Variants in PRKCSH observed in about 807,000 individuals in gnomAD.
PRKCSH encodes glucosidase 2 subunit beta.
A neutral mutation model predicts 79.7 loss-of-function variants in PRKCSH; 42 were observed. The ratio of observed to expected loss-of-function variants is 0.53; its 90% CI spans 0.41 to 0.68. PRKCSH has a LOEUF of 0.68. PRKCSH is among the 30% of genes least tolerant of loss of function. PRKCSH has a pLI of 0.00. For synonymous variants in PRKCSH, 325 were observed against 288.2 expected (o/e 1.13, Z -1.29); for missense variants, 686 against 709.0 (o/e 0.97, Z 0.37).
Position 11,447,065 on chromosome 19 carries a change from C to G in PRKCSH, c.763-9C>G, listed in dbSNP as rs1970341103. On this transcript the variant is annotated splice_polypyrimidine_tract_variant and intron_variant, in intron 9 of 17. Transcript: ENST00000677123. The surrounding 1 kb of genome is among the most constrained non-coding windows in gnomAD (Gnocchi z 5.6). ...GCCTAGATCTTGACACCACCCCCAA[C>G]ACACACAGGCCCTCCTCAGTGGGGA... 6.2e-7 allele frequency: 1 copy of G among 1,613,660 alleles called. No individual in the cohort carries two copies. The highest frequency in any genetic ancestry group is 8.5e-7 in the Non-Finnish European group (1 of 1,179,562).
chr19:11,446,518 G>A (rs1970308570), intron 9 of PRKCSH, among the ~76,000 whole-genome samples, 168 bp downstream of exon 9: 1 of 152,030 alleles, frequency 6.6e-6, no homozygotes, highest in Non-Finnish European at 1.5e-5. Context: ...GCAGGACCCG[G>A]GATGGAGCCA....
rs747275020 is a variant in PRKCSH, at chr19:11,448,880, C to T, written c.1287-34C>T. ...CTGTGGGAGGAGGCTGGAATCCCTG[C>T]GTTCCCCAACCCATATGTCCCGGTC... is the stretch of plus-strand genomic sequence containing the variant. On this transcript the variant is annotated intron_variant, in intron 14 of 17. Coordinates refer to ENST00000677123, the MANE Select transcript of PRKCSH (RefSeq NM_001289104.2). The surrounding 1 kb of genome is among the most constrained non-coding windows in gnomAD (Gnocchi z 4.4). 16 of 1,612,260 alleles carry T rather than the reference C, an allele frequency of 9.9e-6. No homozygotes were observed. Among genetic ancestry groups the T allele is most frequent in the South Asian group, 5.5e-5 (5 of 91,040 alleles).
chr19:11,440,154 CT>C (rs879570404), intron 5 of PRKCSH, among the ~76,000 whole-genome samples: 39 of 146,484 alleles, frequency 2.7e-4, no homozygotes, highest in Admixed American at 4.1e-4. Flanking sequence ...CAACACACTT[CT>C]TTTTTTTTTT....
intron 1 of PRKCSH, 93 bp downstream of exon 1, chr19:11,435,799 A>G (rs1036425582): frequency 2.1e-6 from 3 of 1,417,250 alleles, no homozygotes; most frequent in Non-Finnish European, 2.8e-6. Flanking sequence ...GGAGGCTGTT[A>G]ATCCCTTTGG....
chr19:11,438,915 T>C (rs1183330189), intron 5 of PRKCSH, among the ~76,000 whole-genome samples: 1 of 151,910 alleles, frequency 6.6e-6, no homozygotes, highest in Non-Finnish European at 1.5e-5. Flanking sequence ...TTTTATTTAT[T>C]TATATTTTTT....
At chr19:11,438,229 C>T in intron 5 of PRKCSH, 105 bp downstream of exon 5, 1 of 1,278,450 alleles carries the variant, frequency 7.8e-7, no homozygotes, top group Admixed American at 1.9e-5. Flanking sequence ...GTATCGGGTT[C>T]TCTGTCTGTG....
chr19:11,447,939 G>A lies in PRKCSH; in HGVS notation c.1126+150G>A. The A allele has an allele frequency of 1.0e-6, 1 of 1,000,710 alleles. No homozygotes were observed. The highest frequency in any genetic ancestry group is 1.4e-6 in the Non-Finnish European group (1 of 695,986). 62.0% of individuals were successfully genotyped at this position (1,000,710 alleles called of 1,614,324 possible). ...TTGGGGAGTCCAGGAAGGGGGCCTAGGGTAAGCCAGTCCCACCCTCGCCAG... is the reference window on the plus strand; with the variant it reads ...TTGGGGAGTCCAGGAAGGGGGCCTAAGGTAAGCCAGTCCCACCCTCGCCAG... On this transcript the variant is annotated intron_variant, in intron 12 of 17. Transcript: ENST00000677123. The surrounding 1 kb of genome is among the most constrained non-coding windows in gnomAD (Gnocchi z 5.6).
intron 8 of PRKCSH, 195 bp downstream of exon 8, chr19:11,445,668 G>A (rs1422417643): frequency 1.5e-6 from 1 of 651,600 alleles, no homozygotes. Context: ...CGAGGAGATA[G>A]GGGGACCACC....
Position 11,436,431 on chromosome 19 carries a change from A to G in PRKCSH, c.122A>G (p.Asp41Gly). 1.9e-6 allele frequency: 3 copies of G among 1,614,140 alleles called. No homozygotes were observed. The highest frequency in any genetic ancestry group is 2.5e-6 in the Non-Finnish European group (3 of 1,180,028). ...GAGTCCAAGCCTTTCACCTGCCTGGACGGTTCGGCCACCATCCCATTTGAT... is the reference window on the plus strand; with the variant it reads ...GAGTCCAAGCCTTTCACCTGCCTGGGCGGTTCGGCCACCATCCCATTTGAT... ...YDESKPFTCL[D>G]GSATIPFDQV... The change falls in exon 3 of 18, where the codon GAC becomes GGC. Residue 41 changes from aspartate (D) to glycine (G), a missense_variant. Around this residue, in one of 2 missense-constraint regions of PRKCSH, gnomAD observed 549 missense variants for 520.2 expected, o/e 1.06. Transcript: ENST00000677123.
chr19:11,445,308 G>A, intron 7 of PRKCSH, 81 bp from the exon 8 acceptor site: 3 of 1,391,310 alleles, frequency 2.2e-6, no homozygotes, highest in Non-Finnish European at 3.0e-6. Flanking sequence ...TAGGCGCTTG[G>A]TGGCAAACGA....
Position 11,447,746 on chromosome 19 carries a change from C to T in PRKCSH, c.1083C>T (p.Asp361=), listed in dbSNP as rs1157083542. The change falls in exon 12 of 18, where the codon GAC becomes GAT. Residue 361 remains aspartate, a synonymous_variant. Coordinates refer to ENST00000677123, the MANE Select transcript of PRKCSH (RefSeq NM_001289104.2). The surrounding 1 kb of genome is among the most constrained non-coding windows in gnomAD (Gnocchi z 5.6). ...PPQPASPAEE[D]KMPPYDEQTQ... is the part of the protein sequence containing the mutation. Reference sequence around the variant, plus strand: ...AGCCGGCCAGCCCTGCTGAGGAAGACAAAATGCCGCCCTACGACGAGCAGA... The same window carrying T: ...AGCCGGCCAGCCCTGCTGAGGAAGATAAAATGCCGCCCTACGACGAGCAGA... 8 of 1,596,768 alleles carry T rather than the reference C, an allele frequency of 5.0e-6. No homozygotes were observed. The highest frequency in any genetic ancestry group is 6.8e-6 in the Non-Finnish European group (8 of 1,172,242).
intron 1 of PRKCSH, 55 bp from the exon 2 acceptor site, chr19:11,435,986 C>A: frequency 7.9e-7 from 1 of 1,270,608 alleles, no homozygotes; most frequent in Non-Finnish European, 1.1e-6. Context: ...TGGAGGAATC[C>A]AATTGGCTGG....
chr19:11,441,410 A>G (rs1733164612), intron 6 of PRKCSH, 53 bp downstream of exon 6: 3 of 1,552,768 alleles, frequency 1.9e-6, no homozygotes, highest in Non-Finnish European at 8.9e-7. Context: ...GAGGCCTCAT[A>G]GTGTGGGCTT....
At chr19:11,446,758 G>A (rs1416901372) in intron 9 of PRKCSH, among the ~76,000 whole-genome samples, 1 of 151,932 alleles carries the variant, frequency 6.6e-6, no homozygotes, top group Non-Finnish European at 1.5e-5. Context: ...CCTGGGCCTT[G>A]GCCTCTCCCT....
Position 11,442,433 on chromosome 19 carries a change from G to A in PRKCSH, c.516G>A (p.Gln172=). The part of the protein sequence containing the change: ...LQAGKKSLED[Q]VEMLRTVKEE... ...CTGGGAAGAAGTCTCTGGAAGACCA[G>A]GTGGAGATGCTGCGGACAGTGAAGG... Residue 172 remains glutamine (Q), a synonymous_variant, in exon 7 of 18, where the codon CAG becomes CAA. Coordinates refer to ENST00000677123, the MANE Select transcript of PRKCSH (RefSeq NM_001289104.2). 1.9e-6 allele frequency: 3 copies of A among 1,611,778 alleles called. No individual in the cohort carries two copies. The highest frequency in any genetic ancestry group is 1.7e-5 in the Admixed American group (1 of 59,762).
chr19:11,441,597 A>T (rs994555028), intron 6 of PRKCSH, among the ~76,000 whole-genome samples: 8 of 152,180 alleles, frequency 5.3e-5, no homozygotes. Context: ...AGACTAAAGC[A>T]GGCTGGAAGG....
chr19:11,438,041 G>T, intron 4 of PRKCSH, 26 bp from the exon 5 acceptor site: 1 of 1,614,122 alleles, frequency 6.2e-7, no homozygotes, highest in Non-Finnish European at 8.5e-7. Context: ...TGCCAGGTCT[G>T]ATCTTGGCTT....
At chr19:11,450,226 A>C (rs1428193127) in intron 17 of PRKCSH, among the ~76,000 whole-genome samples, 1 of 150,642 alleles carries the variant, frequency 6.6e-6, no homozygotes, top group African/African-American at 2.4e-5. Context: ...TAATCCCAGC[A>C]CTTTGGGAGG....
chr19:11,443,222 G>C (rs1294657270), intron 7 of PRKCSH, among the ~76,000 whole-genome samples: 1 of 151,346 alleles, frequency 6.6e-6, no homozygotes, highest in Non-Finnish European at 1.5e-5. Flanking sequence ...AGACCACCCT[G>C]GCCAACATGG....
Sources: gnomAD v4.1 joint callset for allele counts (sites outside exome capture counted in the v4.1 genomes callset) on GRCh38, gnomAD v4.1.1 for gene constraint, gnomAD v4.1.1 regional missense constraint, Gnocchi (gnomAD v3.1) non-coding constraint, MANE v1.5 for transcripts, NCBI Gene and HGNC (gene_info 2026-07-23, HGNC 2026-07-21) for gene names.